DTNBP1: variants seen among roughly 807,000 people sequenced by gnomAD.
DTNBP1 encodes the protein dystrobrevin binding protein 1.
In DTNBP1, 35 loss-of-function variants were observed where a neutral mutation model predicts 42.8. The observed-to-expected ratio is 0.82, with a 90% CI of 0.63 to 1.09. The LOEUF (loss-of-function observed/expected upper bound fraction) is 1.09. DTNBP1 is among the 50% of genes least tolerant of loss of function. DTNBP1 has a pLI of 0.00. For synonymous variants in DTNBP1, 171 were observed against 162.2 expected, an observed-to-expected ratio of 1.05 and a Z score of -0.41; for missense variants, 457 against 424.2, an observed-to-expected ratio of 1.08 and a Z score of -0.68.
At chr6:15,538,846 A>G (rs565260194) in intron 7 of DTNBP1, among the ~76,000 whole-genome samples, 46 of 152,316 alleles carry the variant, frequency 3.0e-4, no homozygotes, top group Middle Eastern at 6.8e-3. Context: ...GTAACAAACC[A>G]TTTCACCCAA....
At chr6:15,612,642 C>G (rs1052502723) in intron 6 of DTNBP1, among the ~76,000 whole-genome samples, 4 of 152,134 alleles carry the variant, frequency 2.6e-5, no homozygotes, top group African/African-American at 9.7e-5. Flanking sequence ...AAGCACTATT[C>G]CAAGCACTTT....
intron 1 of DTNBP1, among the ~76,000 whole-genome samples, chr6:15,658,602 G>T (rs1048393025): frequency 1.3e-5 from 2 of 152,154 alleles, no homozygotes; most frequent in African/African-American, 4.8e-5. Flanking sequence ...CTGTAAACCC[G>T]TCAGTAAATC....
intron 7 of DTNBP1, among the ~76,000 whole-genome samples, chr6:15,565,135 C>G (rs1775012223): frequency 6.6e-6 from 1 of 152,098 alleles, no homozygotes; most frequent in Non-Finnish European, 1.5e-5. Context: ...ACATGGGATA[C>G]CACATCACAT....
chr6:15,579,130 G>A (rs1005429976), intron 7 of DTNBP1, among the ~76,000 whole-genome samples: 1 of 152,162 alleles, frequency 6.6e-6, no homozygotes, highest in Non-Finnish European at 1.5e-5. Flanking sequence ...CAAAAGCCAA[G>A]ATATGGAATC....
At chr6:15,614,011 TC>T (rs1464677418) in intron 6 of DTNBP1, among the ~76,000 whole-genome samples, 2 of 152,082 alleles carry the variant, frequency 1.3e-5, no homozygotes, top group South Asian at 4.1e-4. Context: ...TAGAATGGAC[TC>T]CCCAAGGATG....
At chr6:15,661,945 A>T (rs1187438663) in intron 1 of DTNBP1, among the ~76,000 whole-genome samples, 1 of 152,144 alleles carries the variant, frequency 6.6e-6, no homozygotes, top group Non-Finnish European at 1.5e-5. Context: ...GCAGCTGAGT[A>T]ACTACGTTTG....
intron 5 of DTNBP1, among the ~76,000 whole-genome samples, chr6:15,626,000 CA>C (rs1336282356): frequency 6.6e-6 from 1 of 152,164 alleles, no homozygotes; most frequent in East Asian, 1.9e-4. Context: ...TCAGAAATAA[CA>C]AAACACTGAC....
At chr6:15,576,243 C>T (rs553822296) in intron 7 of DTNBP1, among the ~76,000 whole-genome samples, 55 of 151,994 alleles carry the variant, frequency 3.6e-4, no homozygotes, top group South Asian at 6.2e-4. Context: ...CTCAGACTCC[C>T]GAGTAGCCGG....
chr6:15,634,143 C>T (rs746638601), intron 4 of DTNBP1, among the ~76,000 whole-genome samples: 1 of 150,414 alleles, frequency 6.6e-6, no homozygotes, highest in Non-Finnish European at 1.5e-5. Flanking sequence ...GACTTTTCCT[C>T]GTCTTTCAAA....
At chr6:15,627,857 T>C (rs1473268728) in intron 4 of DTNBP1, among the ~76,000 whole-genome samples, 1 of 150,760 alleles carries the variant, frequency 6.6e-6, no homozygotes, top group Non-Finnish European at 1.5e-5. Context: ...TAAAACATAA[T>C]TAACGGGTAA....
intron 1 of DTNBP1, among the ~76,000 whole-genome samples, chr6:15,661,340 C>A (rs1225020430): frequency 2.6e-5 from 3 of 116,518 alleles, no homozygotes; most frequent in African/African-American, 3.4e-5. Context: ...GGCAACAGAG[C>A]GAGAACTTGT....
At chr6:15,526,516 T>C (rs1238849816) in intron 8 of DTNBP1, among the ~76,000 whole-genome samples, 1 of 152,172 alleles carries the variant, frequency 6.6e-6, no homozygotes, top group Non-Finnish European at 1.5e-5. Context: ...AAAAGTATTA[T>C]GGTTTAGATG....
intron 7 of DTNBP1, among the ~76,000 whole-genome samples, chr6:15,538,194 T>C (rs949794104): frequency 1.3e-5 from 2 of 152,164 alleles, no homozygotes; most frequent in African/African-American, 4.8e-5. Flanking sequence ...TAGCTAGGCT[T>C]GTGAAGGGCA....
chr6:15,653,206 T>C (rs1761111551), intron 1 of DTNBP1, among the ~76,000 whole-genome samples: 1 of 152,252 alleles, frequency 6.6e-6, no homozygotes, highest in Non-Finnish European at 1.5e-5. Flanking sequence ...GGATTTTGTA[T>C]ATCTCATTTA....
chr6:15,602,824 C>A (rs1776781591), intron 6 of DTNBP1, among the ~76,000 whole-genome samples: 1 of 152,128 alleles, frequency 6.6e-6, no homozygotes, highest in Non-Finnish European at 1.5e-5. Flanking sequence ...GGTTTTCATG[C>A]CTCTTAAAAA....
chr6:15,660,210 G>T (rs181057761), intron 1 of DTNBP1, among the ~76,000 whole-genome samples: 3 of 152,060 alleles, frequency 2.0e-5, no homozygotes, highest in African/African-American at 4.8e-5. Flanking sequence ...TGCAGCTCAC[G>T]TCTCTTTCAT....
At chr6:15,654,629 A>G (rs998954280) in intron 1 of DTNBP1, among the ~76,000 whole-genome samples, 5 of 151,864 alleles carry the variant, frequency 3.3e-5, no homozygotes, top group African/African-American at 1.2e-4. Flanking sequence ...CCTCCCCGCC[A>G]CCGACAAAAA....
chr6:15,615,995 T>TCTG (rs774048669), intron 5 of DTNBP1, among the ~76,000 whole-genome samples: 6 of 152,234 alleles, frequency 3.9e-5, no homozygotes, highest in Non-Finnish European at 8.8e-5. Context: ...ACTACTCCAC[T>TCTG]CTGCTGCTAG....
intron 8 of DTNBP1, 54 bp downstream of exon 8, chr6:15,533,186 G>A (rs991953810): frequency 6.2e-6 from 10 of 1,607,164 alleles, no homozygotes; most frequent in South Asian, 2.2e-5. Context: ...GGGGTCCATC[G>A]CCACCCCGCA....
Sources: gnomAD v4.1 joint callset for allele counts (sites outside exome capture counted in the v4.1 genomes callset) on GRCh38, gnomAD v4.1.1 for gene constraint, MANE v1.5 for transcripts, NCBI Gene and HGNC (gene_info 2026-07-23, HGNC 2026-07-21) for gene names.